SUPT5H: variants seen among roughly 807,000 people sequenced by gnomAD.
The protein encoded by SUPT5H is SPT5 homolog, DSIF elongation factor subunit, also known as transcription elongation factor SPT5.
Under a neutral mutation model 142.5 loss-of-function variants are expected in SUPT5H, and 24 were observed. That is an observed-to-expected ratio of 0.17 (90% CI 0.12 to 0.24). SUPT5H has a LOEUF of 0.24. Ranked by LOEUF, SUPT5H falls within the 10% of genes least tolerant of loss-of-function variation. The pLI is 1.00. For synonymous variants in SUPT5H, 546 were observed against 553.0 expected (o/e 0.99, Z 0.18); for missense variants, 893 against 1,471.8 (o/e 0.61, Z 6.43).
chr19:39,460,247 G>A, intron 10 of SUPT5H: 2 of 420,212 alleles, frequency 4.8e-6, no homozygotes, highest in South Asian at 5.2e-5. Flanking sequence ...GAGTGGGTTT[G>A]CCTGTTCACC....
Position 39,468,955 on chromosome 19 carries a change from C to G in SUPT5H, c.1143+94C>G. On this transcript the variant is annotated intron_variant, in intron 14 of 29. Transcript: ENST00000432763. Reference sequence around the variant, plus strand: ...CTGTGGGTTATCTGGTTCTGTCCCACTCCTCAAGTTAGGAGTGTTCCCTAG... The same window carrying G: ...CTGTGGGTTATCTGGTTCTGTCCCAGTCCTCAAGTTAGGAGTGTTCCCTAG... 12 of 1,548,584 alleles carry G rather than the reference C, an allele frequency of 7.7e-6. 1 individual carries two copies. The South Asian group carries it at 1.3e-4, about 17-fold the overall frequency.
In SUPT5H at chr19:39,461,821, CA is replaced by C. The variant is rs747295729; in HGVS notation, c.624+1880del. Among the ~76,000 whole-genome samples, 657 of 128,402 alleles carry C rather than the reference CA, an allele frequency of 5.1e-3. 1 individual carries two copies. Among genetic ancestry groups the C allele is most frequent in the East Asian group, 0.012 (53 of 4,528 alleles). 84.2% of individuals were successfully genotyped at this position (128,402 alleles called of 152,430 possible). On this transcript the variant is annotated intron_variant, in intron 10 of 29. Transcript: ENST00000432763. ...CCTGGGCAACAGAGCGAGACTGTCT[CA>C]AAAAAAAAAAAAAAAAAATAATAAT...
chr19:39,471,891 G>A, intron 20 of SUPT5H, 161 bp downstream of exon 20: 2 of 1,065,734 alleles, frequency 1.9e-6, no homozygotes. Context: ...TTGGGATTCT[G>A]AGCTGTTCAC....
At chr19:39,454,639 C>T (rs942730469) in intron 3 of SUPT5H, among the ~76,000 whole-genome samples, 3 of 152,078 alleles carry the variant, frequency 2.0e-5, no homozygotes, top group Non-Finnish European at 4.4e-5. Context: ...CATGCCTGGC[C>T]GCACTTTTTT....
rs757236653 is a variant in SUPT5H, at chr19:39,453,368, C to T, written c.88C>T (p.Arg30Trp). The change falls in exon 3 of 30, where the codon CGG becomes TGG. Residue 30 changes from arginine to tryptophan, a missense_variant. Arg to Trp is a moderately radical substitution (Grantham distance 101, BLOSUM62 -3). This residue lies in a region of SUPT5H where 70 missense variants were observed against 70.5 expected (regional missense o/e 0.99). Transcript: ENST00000432763. ...CTGACCCCTGTAGGTAGACGAAGAG[C>T]GGCGGAGTGCAGCGGGCAGTGAGAA... ...DGEEAEVDEE[R>W]RSAAGSEKEE... 1.3e-5 allele frequency: 21 copies of T among 1,601,670 alleles called. No homozygotes were observed. The highest frequency in any genetic ancestry group is 2.2e-5 in the South Asian group (2 of 89,328).
Position 39,474,486 on chromosome 19 carries a change from C to A in SUPT5H, c.2821-29C>A. The A allele has an allele frequency of 1.2e-6, 2 of 1,613,108 alleles. No individual in the cohort carries two copies. Among genetic ancestry groups the A allele is most frequent in the Non-Finnish European group, 1.7e-6 (2 of 1,179,278 alleles). ...GGGTCGGCCAGGCCAGATGACTATT[C>A]CCAATGACACTTCCTCTTTCCCCTG... On this transcript the variant is annotated intron_variant, in intron 27 of 29. Coordinates refer to ENST00000432763, the MANE Select transcript of SUPT5H (RefSeq NM_001111020.3). The surrounding 1 kb of genome is among the most constrained non-coding windows in gnomAD (Gnocchi z 6.5).
Position 39,457,758 on chromosome 19 carries a change from C to T in SUPT5H, c.307+18C>T. 1 of 1,614,064 alleles carries T rather than the reference C, an allele frequency of 6.2e-7. No homozygotes were observed. Among genetic ancestry groups the T allele is most frequent in the Non-Finnish European group, 8.5e-7 (1 of 1,180,000 alleles). ...AGAGAAAGGTGTGTGTGAGCCCTGC[C>T]TCCACAAGACTACTGGGAAGAGGGT... On this transcript the variant is annotated intron_variant, in intron 4 of 29. Transcript: ENST00000432763.
intron 10 of SUPT5H, among the ~76,000 whole-genome samples, chr19:39,460,584 A>C (rs2079148176): frequency 6.6e-6 from 1 of 152,150 alleles, no homozygotes; most frequent in South Asian, 2.1e-4. Flanking sequence ...CTAAAAATAC[A>C]AAACTCAGCT....
Position 39,458,196 on chromosome 19 carries a change from C to T in SUPT5H, c.308-98C>T. 6.5e-7 allele frequency: 1 copy of T among 1,532,776 alleles called. No individual in the cohort carries two copies. The highest frequency in any genetic ancestry group is 8.7e-7 in the Non-Finnish European group (1 of 1,144,150). 94.9% of individuals were successfully genotyped at this position (1,532,776 alleles called of 1,614,324 possible). A position where few individuals can be genotyped will look rare whatever the true frequency, so the allele number is the denominator to read the frequency against. ...TCCCCCAACCCATTGGTTGATTTTGCTGCTATAATTTGGCTCATACTTTGT... is the reference window on the plus strand; with the variant it reads ...TCCCCCAACCCATTGGTTGATTTTGTTGCTATAATTTGGCTCATACTTTGT... On this transcript the variant is annotated intron_variant, in intron 4 of 29. Transcript: ENST00000432763. The surrounding 1 kb of genome is among the most constrained non-coding windows in gnomAD (Gnocchi z 4.2).
chr19:39,466,946 C>T lies in SUPT5H; in HGVS notation c.1037+201C>T. The T allele has an allele frequency of 1.7e-6, 1 of 597,652 alleles. No individual in the cohort carries two copies. Among genetic ancestry groups the T allele is most frequent in the South Asian group, 2.0e-5 (1 of 49,042 alleles). 37.0% of individuals were successfully genotyped at this position (597,652 alleles called of 1,614,324 possible). ...CTATAAAGATTGATGAGGCTGGGCGCAGCGGGAGGGAGCACTTTGGAAGGC... is the reference window on the plus strand; with the variant it reads ...CTATAAAGATTGATGAGGCTGGGCGTAGCGGGAGGGAGCACTTTGGAAGGC... On this transcript the variant is annotated intron_variant, in intron 13 of 29. Coordinates refer to ENST00000432763, the MANE Select transcript of SUPT5H (RefSeq NM_001111020.3). The surrounding 1 kb of genome is among the most constrained non-coding windows in gnomAD (Gnocchi z 4.3).
chr19:39,471,753 C>T, intron 20 of SUPT5H, 23 bp downstream of exon 20: 1 of 1,607,152 alleles, frequency 6.2e-7, no homozygotes. Context: ...TGGCAGGACC[C>T]TGTGCGTTGG....
At chr19:39,451,684 A>G (rs1415746539) in intron 2 of SUPT5H, among the ~76,000 whole-genome samples, 1 of 152,022 alleles carries the variant, frequency 6.6e-6, no homozygotes, top group Non-Finnish European at 1.5e-5. Flanking sequence ...GGTGCCCACC[A>G]CCGTGCTGGG....
chr19:39,459,478 AG>A, intron 8 of SUPT5H, 80 bp from the exon 9 acceptor site: 1 of 1,553,658 alleles, frequency 6.4e-7, no homozygotes, highest in Non-Finnish European at 8.8e-7. Context: ...AACCAGAGGA[AG>A]GGGGTGGCCC....
At position 39,469,891 on chromosome 19, in the gene SUPT5H, AGGGC is replaced by A; in HGVS notation, c.1375-223_1375-220del. 1 of 554,102 alleles carries A rather than the reference AGGGC, an allele frequency of 1.8e-6. No individual in the cohort carries two copies. The highest frequency in any genetic ancestry group is 3.2e-6 in the Non-Finnish European group (1 of 315,140). 34.3% of individuals were successfully genotyped at this position (554,102 alleles called of 1,614,324 possible). On this transcript the variant is annotated intron_variant, in intron 16 of 29. Coordinates refer to ENST00000432763, the MANE Select transcript of SUPT5H (RefSeq NM_001111020.3). The surrounding 1 kb of genome is among the most constrained non-coding windows in gnomAD (Gnocchi z 5.1). ...GTATAGGTAGGCATCGTGTGTCTTG[AGGGC>A]GGGCTGGGGTAAAGGTTGTCCAGGT... is the stretch of plus-strand genomic sequence containing the variant.
rs1431833081 is a variant in SUPT5H at position 39,472,525 on chromosome 19, G to A, written c.2035+32G>A. The A allele has an allele frequency of 6.2e-7, 1 of 1,609,462 alleles. No homozygotes were observed. Among genetic ancestry groups the A allele is most frequent in the Middle Eastern group, 1.7e-4 (1 of 6,044 alleles). ...GGGGTTCAGGGTCAGGGGATGTGGTGGGTAGAAGGGGCTGGAAGGAACTTG... is the reference window on the plus strand; with the variant it reads ...GGGGTTCAGGGTCAGGGGATGTGGTAGGTAGAAGGGGCTGGAAGGAACTTG... On this transcript the variant is annotated intron_variant, in intron 21 of 29. Transcript: ENST00000432763. The surrounding 1 kb of genome is among the most constrained non-coding windows in gnomAD (Gnocchi z 4.2).
intron 2 of SUPT5H, among the ~76,000 whole-genome samples, chr19:39,450,091 A>T (rs1423252071): frequency 6.6e-6 from 1 of 151,714 alleles, no homozygotes; most frequent in Admixed American, 6.6e-5. Flanking sequence ...AGATTTTGCC[A>T]CCATGCCTGG....
intron 28 of SUPT5H, 62 bp from the exon 29 acceptor site, chr19:39,476,019 G>A (rs1456527857): frequency 2.1e-6 from 3 of 1,456,346 alleles, no homozygotes; most frequent in Non-Finnish European, 2.9e-6. Context: ...GTCCCCTGGA[G>A]TATGGGCCTC....
At position 39,454,113 on chromosome 19, in the gene SUPT5H, C is replaced by T. The variant is rs569123360; in HGVS notation, c.241+592C>T. ...AAGTAGCAGTGAGTGTAAATGCTGCCTTGAGATACCTATAGCTGTAATGTG... is the reference window on the plus strand; with the variant it reads ...AAGTAGCAGTGAGTGTAAATGCTGCTTTGAGATACCTATAGCTGTAATGTG... On this transcript the variant is annotated intron_variant, in intron 3 of 29. Coordinates refer to ENST00000432763, the MANE Select transcript of SUPT5H (RefSeq NM_001111020.3). Among the ~76,000 whole-genome samples the T allele has an allele frequency of 4.6e-5, 7 of 152,246 alleles. No homozygotes were observed. In the South Asian group the frequency reaches 1.4e-3, roughly 32 times the overall value.
intron 2 of SUPT5H, among the ~76,000 whole-genome samples, chr19:39,452,579 TG>T (rs1476991418): frequency 6.6e-6 from 1 of 152,120 alleles, no homozygotes; most frequent in Admixed American, 6.5e-5. Flanking sequence ...GAATACAGAA[TG>T]GCCACAGAAT....
Sources: allele counts gnomAD v4.1 joint callset (sites outside exome capture counted in the v4.1 genomes callset), GRCh38; gene constraint gnomAD v4.1.1; regional missense constraint gnomAD v4.1.1; non-coding constraint Gnocchi (gnomAD v3.1); transcripts MANE v1.5; gene names NCBI Gene and HGNC (gene_info 2026-07-23, HGNC 2026-07-21).